The following LOC131768270 variants were observed in gnomAD, a reference collection of about 807,000 sequenced individuals.
chr5:140,566,712 G>C, the LOC131768270 span: 5 of 579,656 alleles, frequency 8.6e-6, no homozygotes, highest in Non-Finnish European at 1.2e-5. Context: ...GCCCAACGTG[G>C]AGAAGACATT....
At chr5:140,567,585 C>G in the LOC131768270 span, 2 of 1,614,252 alleles carry the variant, frequency 1.2e-6, no homozygotes, top group Non-Finnish European at 1.7e-6. Context: ...CACCGCCTCT[C>G]TGTGCGTCAG....
At chr5:140,566,591 C>A in the LOC131768270 span, 1 of 436,698 alleles carries the variant, frequency 2.3e-6, no homozygotes, top group South Asian at 7.6e-5. Flanking sequence ...CCTCCCCGTT[C>A]CTCAAGGGAT....
At chr5:140,567,261 G>A in the LOC131768270 span, 2 of 1,614,202 alleles carry the variant, frequency 1.2e-6, no homozygotes, top group Non-Finnish European at 8.5e-7. Context: ...GCCATGTACG[G>A]TGCCCATGCC....
At chr5:140,565,889 T>A in the LOC131768270 span, 5 of 398,876 alleles carry the variant, frequency 1.3e-5, no homozygotes, top group South Asian at 1.3e-4. Flanking sequence ...CTGCCTAAGC[T>A]TAAGGACCTG....
the LOC131768270 span, chr5:140,565,946 AC>A: frequency 2.5e-6 from 1 of 398,834 alleles, no homozygotes; most frequent in Admixed American, 4.4e-5. Context: ...CGTGTAGAAG[AC>A]GAAGTCAACA....
the LOC131768270 span, chr5:140,565,610 C>T: frequency 2.2e-5 from 6 of 268,020 alleles, no homozygotes; most frequent in East Asian, 6.5e-5. Context: ...GCCTTTCCTA[C>T]ATACTGCTTG....
the LOC131768270 span, chr5:140,567,242 C>T: frequency 6.2e-7 from 1 of 1,614,238 alleles, no homozygotes; most frequent in Non-Finnish European, 8.5e-7. Flanking sequence ...GATGCTACTC[C>T]TATCCACTGC....
At chr5:140,565,142 C>A in the LOC131768270 span, 84 of 374,982 alleles carry the variant, frequency 2.2e-4, no homozygotes, top group African/African-American at 1.7e-3. Context: ...CCTCACTTTA[C>A]CCCATTCCCT....
chr5:140,565,751 G>A, the LOC131768270 span: 1 of 395,454 alleles, frequency 2.5e-6, no homozygotes, highest in Admixed American at 4.4e-5. Flanking sequence ...ATCTCAGGAA[G>A]CTTTTATAGG....
chr5:140,565,376 G>T, the LOC131768270 span: 1 of 157,840 alleles, frequency 6.3e-6, no homozygotes, highest in Non-Finnish European at 1.4e-5. Context: ...GAAGAAAGAG[G>T]TAAAGCCCAT....
At chr5:140,567,396 G>T in the LOC131768270 span, 2 of 1,614,168 alleles carry the variant, frequency 1.2e-6, no homozygotes, top group Admixed American at 3.3e-5. Flanking sequence ...TGGCAAGCAT[G>T]GCCCCAGGGG....
At chr5:140,567,472 C>G in the LOC131768270 span, 2 of 1,614,040 alleles carry the variant, frequency 1.2e-6, no homozygotes, top group African/African-American at 2.7e-5. Flanking sequence ...CTAACAACAA[C>G]CTGGTGATCT....
chr5:140,567,329 G>A, the LOC131768270 span: 30 of 1,614,050 alleles, frequency 1.9e-5, no homozygotes, highest in Admixed American at 1.8e-4. Flanking sequence ...CTCCTCAGCC[G>A]TGCTGCTGAC....
chr5:140,565,823 A>AG, the LOC131768270 span: 1 of 398,312 alleles, frequency 2.5e-6, no homozygotes, highest in Non-Finnish European at 4.4e-6. Context: ...GAATTGAGCA[A>AG]GGGGTGGGGC....
chr5:140,566,024 C>T, the LOC131768270 span: 1 of 398,558 alleles, frequency 2.5e-6, no homozygotes, highest in African/African-American at 2.1e-5. Context: ...CCAACATGCT[C>T]TTGAGAGTGT....
the LOC131768270 span, chr5:140,565,417 A>C: frequency 6.4e-6 from 1 of 156,560 alleles, no homozygotes; most frequent in East Asian, 1.9e-4. Flanking sequence ...ATTGTCCAGG[A>C]AACTGCCTCG....
the LOC131768270 span, chr5:140,565,977 G>A: frequency 1.5e-5 from 6 of 398,840 alleles, no homozygotes; most frequent in Non-Finnish European, 2.7e-5. Context: ...GCCAGGTAAG[G>A]ACTGTCCCAC....
chr5:140,566,939 C>T, the LOC131768270 span: 1 of 698,276 alleles, frequency 1.4e-6, no homozygotes, highest in East Asian at 2.7e-5. Context: ...TGGATTCCTT[C>T]TTCCCCTTCC....
chr5:140,567,891 C>G, the LOC131768270 span: 1 of 1,614,214 alleles, frequency 6.2e-7, no homozygotes, highest in Non-Finnish European at 8.5e-7. Flanking sequence ...GGCGGCGGCT[C>G]TGGCCCAGGC....
Sources: allele counts gnomAD v4.1 joint callset, GRCh38; gene constraint gnomAD v4.1.1; transcripts MANE v1.5.